KCNH5: variants seen among roughly 807,000 people sequenced by gnomAD.
KCNH5 encodes the protein voltage-gated delayed rectifier potassium channel KCNH5.
In KCNH5, 46 loss-of-function variants were observed where a neutral mutation model predicts 96.1. The ratio of observed to expected loss-of-function variants is 0.48; its 90% CI spans 0.38 to 0.61. KCNH5 has a LOEUF of 0.61. KCNH5 is among the 20% of genes least tolerant of loss of function. The pLI is 0.00. For missense variants in KCNH5, 907 were observed against 1,225.8 expected (o/e 0.74, Z 3.88); for synonymous variants, 439 against 449.8 (o/e 0.98, Z 0.30).
At chr14:62,757,367 T>C (rs2355733) in intron 10 of KCNH5, among the ~76,000 whole-genome samples, 69,001 of 152,030 alleles carry the variant, frequency 0.45, 17,260 homozygotes, top group South Asian at 0.77. Context: ...TACAGCACTA[T>C]GGAGAACAGT....
intron 7 of KCNH5, among the ~76,000 whole-genome samples, chr14:62,903,022 A>G (rs1384657084): frequency 6.6e-6 from 1 of 152,184 alleles, no homozygotes; most frequent in African/African-American, 2.4e-5. Flanking sequence ...CTGCGATAAT[A>G]TCTATTTCAT....
At chr14:62,713,863 G>GA (rs1884626668) in intron 10 of KCNH5, among the ~76,000 whole-genome samples, 1 of 152,186 alleles carries the variant, frequency 6.6e-6, no homozygotes, top group African/African-American at 2.4e-5. Context: ...ACAGCTTTAT[G>GA]ACCTAAGCTC....
intron 7 of KCNH5, among the ~76,000 whole-genome samples, chr14:62,870,145 T>G (rs1324739976): frequency 1.3e-5 from 2 of 152,214 alleles, no homozygotes; most frequent in African/African-American, 4.8e-5. Context: ...CTTACCATTT[T>G]GGCCAATTAA....
intron 7 of KCNH5, among the ~76,000 whole-genome samples, chr14:62,880,600 T>C (rs544259586): frequency 1.2e-4 from 19 of 152,308 alleles, no homozygotes; most frequent in African/African-American, 4.1e-4. Context: ...AAACTACATA[T>C]AGTCATACAT....
chr14:62,849,650 T>C lies in KCNH5; in HGVS notation c.1569+3A>G. 1 of 1,611,506 alleles carries C rather than the reference T, an allele frequency of 6.2e-7. No individual in the cohort carries two copies. Among genetic ancestry groups the C allele is most frequent in the Non-Finnish European group, 8.5e-7 (1 of 1,177,886 alleles). On this transcript the variant is annotated splice_donor_region_variant and intron_variant, in intron 8 of 10. Coordinates refer to ENST00000322893, the MANE Select transcript of KCNH5 (RefSeq NM_139318.5). ...ACTAAATAATAACAATAATAACCCA[T>C]ACCTTTTCTGTATCAATGCCTTTTG...
chr14:63,031,474 G>GA (rs1055497273), intron 1 of KCNH5, among the ~76,000 whole-genome samples: 6 of 151,540 alleles, frequency 4.0e-5, no homozygotes, highest in African/African-American at 1.5e-4. Context: ...AATTCCAGGA[G>GA]AAAAAAAATG....
intron 7 of KCNH5, among the ~76,000 whole-genome samples, chr14:62,900,288 A>G (rs1028989496): frequency 5.3e-5 from 8 of 152,254 alleles, no homozygotes; most frequent in Non-Finnish European, 7.3e-5. Context: ...TAAGAATTAC[A>G]TAATGTGAAG....
chr14:62,854,550 C>A (rs1887892980), intron 7 of KCNH5, among the ~76,000 whole-genome samples: 1 of 151,944 alleles, frequency 6.6e-6, no homozygotes, highest in Non-Finnish European at 1.5e-5. Context: ...ATGGTCTGGC[C>A]AGTTTTGTCA....
At chr14:62,866,761 T>C (rs1341311802) in intron 7 of KCNH5, among the ~76,000 whole-genome samples, 1 of 152,134 alleles carries the variant, frequency 6.6e-6, no homozygotes, top group African/African-American at 2.4e-5. Context: ...CTGACAAATA[T>C]GGGAGGGGCA....
intron 2 of KCNH5, among the ~76,000 whole-genome samples, chr14:63,008,355 C>T (rs1484193359): frequency 6.6e-6 from 1 of 151,982 alleles, no homozygotes; most frequent in Non-Finnish European, 1.5e-5. Context: ...AAAATCTGCA[C>T]CTGAAAATAC....
chr14:62,949,937 C>G (rs923065210), intron 7 of KCNH5, 196 bp downstream of exon 7: 73 of 538,408 alleles, frequency 1.4e-4, no homozygotes, highest in African/African-American at 1.3e-3. Context: ...GTTTTTCACA[C>G]ATTATTATGT....
At chr14:63,042,902 A>C (rs1891852679) in intron 1 of KCNH5, among the ~76,000 whole-genome samples, 1 of 152,158 alleles carries the variant, frequency 6.6e-6, no homozygotes, top group Admixed American at 6.5e-5. Context: ...CACTTCAAAC[A>C]GTTCAGGGTC....
Position 62,707,642 on chromosome 14 carries a change from T to A in KCNH5, c.2833A>T (p.Lys945Ter), listed in dbSNP as rs1566633488. Residue 945 changes from lysine to a stop codon, truncating the protein, a stop_gained, in exon 11 of 11, where the codon AAA becomes TAA. Transcript: ENST00000322893. LOFTEE classifies it high-confidence loss of function. ...GGAGATGAGGCCTGGGGTACGCTTTTTTCCGACAGTATTTTTAAAATTTCT... is the reference window on the plus strand; with the variant it reads ...GGAGATGAGGCCTGGGGTACGCTTTATTCCGACAGTATTTTTAAAATTTCT... ...VAEILKILSE[K>*]SVPQASSPKS... 6.3e-7 allele frequency: 1 copy of A among 1,584,592 alleles called. No homozygotes were observed. Among genetic ancestry groups the A allele is most frequent in the African/African-American group, 1.3e-5 (1 of 74,086 alleles).
chr14:62,862,463 T>G (rs962681630), intron 7 of KCNH5, among the ~76,000 whole-genome samples: 2 of 152,214 alleles, frequency 1.3e-5, no homozygotes, highest in African/African-American at 4.8e-5. Context: ...TTAAAAACAT[T>G]ACCACAAATT....
At chr14:62,877,017 G>C (rs1008286881) in intron 7 of KCNH5, among the ~76,000 whole-genome samples, 1 of 152,144 alleles carries the variant, frequency 6.6e-6, no homozygotes, top group Non-Finnish European at 1.5e-5. Flanking sequence ...TTTTTCTCAA[G>C]TTTGTCAAAG....
chr14:62,885,775 C>T (rs528754554), intron 7 of KCNH5, among the ~76,000 whole-genome samples: 14 of 152,224 alleles, frequency 9.2e-5, no homozygotes, highest in Admixed American at 3.3e-4. Flanking sequence ...ATTTCACTAC[C>T]TAAACATCCT....
intron 8 of KCNH5, among the ~76,000 whole-genome samples, chr14:62,816,740 TA>T (rs2140012800): frequency 6.6e-6 from 1 of 152,058 alleles, no homozygotes; most frequent in East Asian, 1.9e-4. Context: ...AATTGACATA[TA>T]GTAGATATAG....
intron 8 of KCNH5, among the ~76,000 whole-genome samples, chr14:62,809,565 C>A (rs374403515): frequency 6.6e-6 from 1 of 152,084 alleles, no homozygotes; most frequent in African/African-American, 2.4e-5. Context: ...TTTGAGGGTA[C>A]AAACCCATGG....
intron 6 of KCNH5, among the ~76,000 whole-genome samples, chr14:62,973,875 T>C (rs895543530): frequency 3.3e-5 from 5 of 152,176 alleles, no homozygotes; most frequent in African/African-American, 1.2e-4. Flanking sequence ...AGGTCTGAGA[T>C]GGCAAGCAAA....
Sources: gnomAD v4.1 joint callset for allele counts (sites outside exome capture counted in the v4.1 genomes callset) on GRCh38, gnomAD v4.1.1 for gene constraint, MANE v1.5 for transcripts, NCBI Gene and HGNC (gene_info 2026-07-23, HGNC 2026-07-21) for gene names.